PICK1: variants seen among roughly 807,000 people sequenced by gnomAD.
PICK1 encodes the protein protein interacting with PRKCA 1, also known as PRKCA-binding protein.
PICK1 carries 23 observed loss-of-function variants against 48.9 expected under a neutral mutation model. That is an observed-to-expected ratio of 0.47 (90% CI 0.34 to 0.67). The LOEUF (loss-of-function observed/expected upper bound fraction) is 0.67. Among genes scored for constraint, PICK1 ranks in the 30% least tolerant of loss-of-function variants. The probability of loss-of-function intolerance (pLI) is 0.01; values close to 1 mark genes in which losing one functional copy is unlikely to be tolerated. For synonymous variants in PICK1, 217 were observed against 228.2 expected (o/e 0.95, Z 0.44); for missense variants, 423 against 557.1 (o/e 0.76, Z 2.42).
intron 6 of PICK1, 28 bp from the exon 7 acceptor site, chr22:38,070,810 A>G (rs765650969): frequency 2.2e-5 from 35 of 1,610,402 alleles, no homozygotes; most frequent in Non-Finnish European, 3.0e-5. Context: ...GAGCCCACTG[A>G]CCTCCCCTCT....
chr22:38,065,167 A>C, intron 4 of PICK1, 37 bp downstream of exon 4: 1 of 1,602,064 alleles, frequency 6.2e-7, no homozygotes, highest in Non-Finnish European at 8.5e-7. Context: ...CAGAGGCAGC[A>C]ACACATGTTT....
At chr22:38,071,900 G>C (rs1355659204) in intron 8 of PICK1, 156 bp downstream of exon 8, 2 of 711,338 alleles carry the variant, frequency 2.8e-6, no homozygotes, top group South Asian at 3.0e-5. Context: ...GGCCTGCGGG[G>C]AACATCTAGA....
chr22:38,067,727 C>T lies in PICK1; in HGVS notation c.306C>T (p.Asn102=), dbSNP rs374422539. Residue 102 remains asparagine (N), a synonymous_variant, in exon 5 of 13, where the codon AAC becomes AAT. Coordinates refer to ENST00000356976, the MANE Select transcript of PICK1 (RefSeq NM_012407.4). ...EVKGEVTIHY[N]KLQADPKQGM... Reference sequence around the variant, plus strand: ...AGGGGGAGGTGACCATCCACTACAACAAGCTGCAGGCGGACCCCAAGCAGG... The same window carrying T: ...AGGGGGAGGTGACCATCCACTACAATAAGCTGCAGGCGGACCCCAAGCAGG... 6 of 1,613,902 alleles carry T rather than the reference C, an allele frequency of 3.7e-6. No homozygotes were observed. Among genetic ancestry groups the T allele is most frequent in the Admixed American group, 1.7e-5 (1 of 60,006 alleles).
chr22:38,071,635 G>T, intron 7 of PICK1, 47 bp from the exon 8 acceptor site: 3 of 1,561,622 alleles, frequency 1.9e-6, no homozygotes, highest in Non-Finnish European at 1.8e-6. Context: ...GGCCAGTGTG[G>T]TCCCCGCCAT....
rs2085299523 is a variant in PICK1 at position 38,057,553 on chromosome 22, C to A, written c.-92C>A. 1.5e-5 allele frequency: 8 copies of A among 550,784 alleles called. No individual in the cohort carries two copies. Among genetic ancestry groups the A allele is most frequent in the Non-Finnish European group, 2.3e-5 (7 of 306,120 alleles). 34.1% of individuals were successfully genotyped at this position (550,784 alleles called of 1,614,324 possible). On this transcript the variant is annotated 5_prime_UTR_variant, in exon 1 of 13. Transcript: ENST00000356976. The stretch of plus-strand genomic sequence containing the variant: ...GTGGGGCGGACTCTGGGATCTGAGC[C>A]TATCGCCCTGGCCTGGAGCCCCCCT...
chr22:38,072,067 G>C (rs1057069238), intron 8 of PICK1: 18 of 497,226 alleles, frequency 3.6e-5, no homozygotes, highest in Non-Finnish European at 6.2e-5. Context: ...TGCAGAAAAT[G>C]AAGCCCAGAC....
chr22:38,074,802 T>TC lies in PICK1; in HGVS notation c.980-61dup. 1 of 1,590,130 alleles carries TC rather than the reference T, an allele frequency of 6.3e-7. No individual in the cohort carries two copies. Among genetic ancestry groups the TC allele is most frequent in the Non-Finnish European group, 8.5e-7 (1 of 1,172,570 alleles). ...AGGTGGGCCGGGTGGGCTGGGAGAG[T>TC]CTCCTCCCTGAGGCAGGCAGCCAGA... On this transcript the variant is annotated intron_variant, in intron 12 of 12. Coordinates refer to ENST00000356976, the MANE Select transcript of PICK1 (RefSeq NM_012407.4). The surrounding 1 kb of genome is among the most constrained non-coding windows in gnomAD (Gnocchi z 4.5).
At chr22:38,057,924 C>G (rs922521318) in intron 2 of PICK1, 74 bp downstream of exon 2, 12 of 1,192,204 alleles carry the variant, frequency 1.0e-5, no homozygotes, top group Non-Finnish European at 1.4e-5. Flanking sequence ...CTTCCCAGTC[C>G]CACAGACCCT....
chr22:38,065,004 A>G lies in PICK1; in HGVS notation c.156A>G (p.Val52=). ...QYCPCLYIVQ[V]FDNTPAALDG... is the part of the protein sequence containing the mutation. ...CCACTCTCCTTATGCACCCACAGGT[A>G]TTTGACAACACCCCAGCAGCCTTGG... Residue 52 remains valine, a splice_region_variant and synonymous_variant, in exon 4 of 13, where the codon GTA becomes GTG. Coordinates refer to ENST00000356976, the MANE Select transcript of PICK1 (RefSeq NM_012407.4). 1 of 1,614,066 alleles carries G rather than the reference A, an allele frequency of 6.2e-7. No individual in the cohort carries two copies. The highest frequency in any genetic ancestry group is 8.5e-7 in the Non-Finnish European group (1 of 1,179,972).
chr22:38,062,787 C>G (rs2085436015), intron 3 of PICK1, among the ~76,000 whole-genome samples: 1 of 152,200 alleles, frequency 6.6e-6, no homozygotes, highest in East Asian at 1.9e-4. Context: ...TTTCAGTTGA[C>G]ATTTTGGCTC....
rs578212374 is a variant in PICK1, at chr22:38,058,599, G to A, written c.42-635G>A. ...CCTATTTTTATGGAGTGCCTGCTAT[G>A]GACTGGGTTGCTGTTAGTGCCCTCC... On this transcript the variant is annotated intron_variant, in intron 2 of 12. Coordinates refer to ENST00000356976, the MANE Select transcript of PICK1 (RefSeq NM_012407.4). 2.6e-5 allele frequency among the ~76,000 whole-genome samples: 4 copies of A among 152,272 alleles called. No individual in the cohort carries two copies. In the East Asian group the frequency reaches 7.7e-4, roughly 29 times the overall value.
At position 38,074,802 on chromosome 22, in the gene PICK1, TCTC is replaced by T; in HGVS notation, c.980-57_980-55del. 2 of 1,590,130 alleles carry T rather than the reference TCTC, an allele frequency of 1.3e-6. No individual in the cohort carries two copies. Among genetic ancestry groups the T allele is most frequent in the Admixed American group, 3.3e-5 (2 of 59,706 alleles). On this transcript the variant is annotated intron_variant, in intron 12 of 12. Transcript: ENST00000356976. The surrounding 1 kb of genome is among the most constrained non-coding windows in gnomAD (Gnocchi z 4.5). ...AGGTGGGCCGGGTGGGCTGGGAGAGTCTCCTCCCTGAGGCAGGCAGCCAGAGCC... is the reference window on the plus strand; with the variant it reads ...AGGTGGGCCGGGTGGGCTGGGAGAGTCTCCCTGAGGCAGGCAGCCAGAGCC...
intron 3 of PICK1, among the ~76,000 whole-genome samples, chr22:38,061,925 C>T (rs550680393): frequency 6.6e-6 from 1 of 152,332 alleles, no homozygotes; most frequent in African/African-American, 2.4e-5. Flanking sequence ...TTCCTCTCAT[C>T]CCACCTTTCC....
chr22:38,074,558 C>T lies in PICK1; in HGVS notation c.979+107C>T. On this transcript the variant is annotated intron_variant, in intron 12 of 12. Transcript: ENST00000356976. The surrounding 1 kb of genome is among the most constrained non-coding windows in gnomAD (Gnocchi z 4.5). The stretch of plus-strand genomic sequence containing the variant: ...GCCACGGCCCAGATGTAAAGCCCCT[C>T]CAGGAGCCCAGCCATCTGCCCAGAG... The T allele has an allele frequency of 2.1e-6, 3 of 1,447,746 alleles. No individual in the cohort carries two copies. The highest frequency in any genetic ancestry group is 1.4e-5 in the African/African-American group (1 of 71,180). The allele number at this position is 1,447,746 out of a possible 1,614,324, so 89.7% of individuals were successfully genotyped here. A position where few individuals can be genotyped will look rare whatever the true frequency, so the allele number is the denominator to read the frequency against.
chr22:38,068,166 G>A (rs906942599), intron 5 of PICK1: 25 of 465,734 alleles, frequency 5.4e-5, no homozygotes, highest in African/African-American at 2.0e-4. Flanking sequence ...CTAGCACAGC[G>A]CACTCCTCCC....
In PICK1 at chr22:38,073,713, G is replaced by A; in HGVS notation, c.784-60G>A. ...CTGCTGCGTGTGGGTGATGGGGGTGGAGCTGGGGACCTGGGGTGGGGGTAG... is the reference window on the plus strand; with the variant it reads ...CTGCTGCGTGTGGGTGATGGGGGTGAAGCTGGGGACCTGGGGTGGGGGTAG... On this transcript the variant is annotated intron_variant, in intron 10 of 12. Transcript: ENST00000356976. This position sits in a 1 kb window ranked among gnomAD's most constrained non-coding sequence, Gnocchi z 5.7. 1 of 1,464,752 alleles carries A rather than the reference G, an allele frequency of 6.8e-7. No individual in the cohort carries two copies. The highest frequency in any genetic ancestry group is 9.6e-7 in the Non-Finnish European group (1 of 1,045,254). The allele number at this position is 1,464,752 out of a possible 1,614,324, so 90.7% of individuals were successfully genotyped here. A position where few individuals can be genotyped will look rare whatever the true frequency, so the allele number is the denominator to read the frequency against.
At chr22:38,060,725 A>G (rs1407161289) in intron 3 of PICK1, among the ~76,000 whole-genome samples, 1 of 150,664 alleles carries the variant, frequency 6.6e-6, no homozygotes, top group African/African-American at 2.5e-5. Flanking sequence ...CTTAGAATGA[A>G]CAGACATCAT....
chr22:38,072,615 G>T lies in PICK1; in HGVS notation c.690+5G>T, dbSNP rs753368232. On this transcript the variant is annotated splice_donor_5th_base_variant and intron_variant, in intron 9 of 12. Transcript: ENST00000356976. Reference sequence around the variant, plus strand: ...CTTCTGAAAACCATCAAGCCGGTAGGTCCTATTGAGCATGTGTGTGTCTGG... The same window carrying T: ...CTTCTGAAAACCATCAAGCCGGTAGTTCCTATTGAGCATGTGTGTGTCTGG... 9.3e-6 allele frequency: 15 copies of T among 1,612,996 alleles called. No individual in the cohort carries two copies. Among genetic ancestry groups the T allele is most frequent in the Non-Finnish European group, 1.3e-5 (15 of 1,180,034 alleles).
In PICK1 at chr22:38,075,139, C is replaced by T. The variant is rs751387693; in HGVS notation, c.*7C>T. On this transcript the variant is annotated 3_prime_UTR_variant, in exon 13 of 13. Transcript: ENST00000356976. ...AAGCTGGTGTGACTCCTGAGTGCCC[C>T]GCGGCTGTGGTGCCGGGGGCAGGGT... is the stretch of plus-strand genomic sequence containing the variant. 22 of 1,606,214 alleles carry T rather than the reference C, an allele frequency of 1.4e-5. No homozygotes were observed. Among genetic ancestry groups the T allele is most frequent in the East Asian group, 4.5e-5 (2 of 44,716 alleles).
Sources: allele counts gnomAD v4.1 joint callset (sites outside exome capture counted in the v4.1 genomes callset), GRCh38; gene constraint gnomAD v4.1.1; non-coding constraint Gnocchi (gnomAD v3.1); transcripts MANE v1.5; gene names NCBI Gene and HGNC (gene_info 2026-07-23, HGNC 2026-07-21).